ABCC4: variants seen among roughly 807,000 people sequenced by gnomAD.
ABCC4 encodes the protein ATP binding cassette subfamily C member 4 (PEL blood group), also known as ATP-binding cassette sub-family C member 4.
In ABCC4, 102 loss-of-function variants were observed where a neutral mutation model predicts 168.5. The ratio of observed to expected loss-of-function variants is 0.61; its 90% CI spans 0.52 to 0.71. The LOEUF (loss-of-function observed/expected upper bound fraction) is 0.71, where lower values mean the gene tolerates loss of function less well. Among genes scored for constraint, ABCC4 ranks in the 30% least tolerant of loss-of-function variants. The probability of loss-of-function intolerance (pLI) is 0.00; values close to 1 mark genes in which losing one functional copy is unlikely to be tolerated. For synonymous variants in ABCC4, 617 were observed against 590.7 expected (o/e 1.04, Z -0.65); for missense variants, 1,402 against 1,605.8 (o/e 0.87, Z 2.17).
intron 4 of ABCC4, 29 bp downstream of exon 4, chr13:95,234,581 G>A (rs752961970): frequency 6.4e-7 from 1 of 1,567,614 alleles, no homozygotes; most frequent in Non-Finnish European, 8.8e-7. Context: ...TTCAGGTGAG[G>A]TACATGTTTA....
intron 13 of ABCC4, among the ~76,000 whole-genome samples, chr13:95,172,069 C>T (rs1397865677): frequency 6.6e-6 from 1 of 152,204 alleles, no homozygotes; most frequent in African/African-American, 2.4e-5. Flanking sequence ...AAAATGTTTT[C>T]TTCCTAACAT....
intron 20 of ABCC4, among the ~76,000 whole-genome samples, chr13:95,115,687 G>A (rs1313159825): frequency 6.6e-6 from 1 of 152,146 alleles, no homozygotes; most frequent in East Asian, 1.9e-4. Context: ...GCACGAAGCT[G>A]CTTCAAACTA....
intron 20 of ABCC4, among the ~76,000 whole-genome samples, chr13:95,092,372 A>T (rs1449563678): frequency 6.6e-6 from 1 of 152,212 alleles, no homozygotes; most frequent in Non-Finnish European, 1.5e-5. Flanking sequence ...TCTATTCGAC[A>T]GTGCATGGAA....
chr13:95,105,982 T>C (rs2034989457), intron 20 of ABCC4, among the ~76,000 whole-genome samples: 1 of 152,200 alleles, frequency 6.6e-6, no homozygotes, highest in Non-Finnish European at 1.5e-5. Flanking sequence ...CCGGCCTCGC[T>C]GATTTTCAGT....
At chr13:95,211,070 AC>A (rs1483560840) in intron 4 of ABCC4, among the ~76,000 whole-genome samples, 2 of 152,222 alleles carry the variant, frequency 1.3e-5, no homozygotes, top group East Asian at 3.8e-4. Flanking sequence ...TTAAGAGCCA[AC>A]CAAAGTAATT....
intron 1 of ABCC4, among the ~76,000 whole-genome samples, chr13:95,260,204 G>A (rs541385288): frequency 2.0e-5 from 3 of 152,094 alleles, no homozygotes; most frequent in Admixed American, 6.6e-5. Flanking sequence ...TGACATATAC[G>A]CCAATACTCC....
At chr13:95,171,407 A>T (rs74501682) in intron 13 of ABCC4, among the ~76,000 whole-genome samples, 1 of 142,682 alleles carries the variant, frequency 7.0e-6, no homozygotes, top group Non-Finnish European at 1.5e-5. Flanking sequence ...AAAAAAAAAA[A>T]TTAGCCGGGT....
intron 25 of ABCC4, among the ~76,000 whole-genome samples, chr13:95,064,477 T>A (rs1464753138): frequency 7.0e-6 from 1 of 142,760 alleles, no homozygotes; most frequent in Non-Finnish European, 1.5e-5. Flanking sequence ...TTTGTCTCTC[T>A]CACACACATA....
intron 25 of ABCC4, among the ~76,000 whole-genome samples, chr13:95,064,571 T>C (rs753440291): frequency 1.1e-4 from 16 of 151,900 alleles, no homozygotes; most frequent in South Asian, 6.3e-4. Context: ...AGCACGTATC[T>C]AGACATAGAC....
At position 95,043,714 on chromosome 13, in the gene ABCC4, A is replaced by G. The variant is rs184544626; in HGVS notation, c.3703T>C (p.Leu1235=). The G allele has an allele frequency of 2.5e-6, 4 of 1,613,942 alleles. No homozygotes were observed. The highest frequency in any genetic ancestry group is 3.4e-6 in the Non-Finnish European group (4 of 1,179,848). Residue 1235 remains leucine (L), a synonymous_variant, in exon 29 of 31, where the codon TTG becomes CTG. Coordinates refer to ENST00000645237, the MANE Select transcript of ABCC4 (RefSeq NM_005845.5). The part of the protein sequence containing the change: ...HCTVLTIAHR[L]NTIIDSDKIM... ...TTGTCGCTGTCAATAATGGTGTTCA[A>G]TCTGTGTGCAATGGTTAGCACGGTG... is the stretch of plus-strand genomic sequence containing the variant.
At chr13:95,046,153 T>C (rs2032568797) in intron 27 of ABCC4, among the ~76,000 whole-genome samples, 4 of 152,204 alleles carry the variant, frequency 2.6e-5, no homozygotes, top group Admixed American at 2.6e-4. Flanking sequence ...CTATACCCCA[T>C]GTGATGGAAC....
At chr13:95,051,577 A>G (rs937515564) in intron 27 of ABCC4, among the ~76,000 whole-genome samples, 1 of 151,688 alleles carries the variant, frequency 6.6e-6, no homozygotes, top group Admixed American at 6.6e-5. Flanking sequence ...AAAGTCCACC[A>G]TGTTGTCCAG....
intron 19 of ABCC4, among the ~76,000 whole-genome samples, chr13:95,156,378 T>C (rs1278061658): frequency 1.3e-5 from 2 of 152,234 alleles, no homozygotes; most frequent in East Asian, 1.9e-4. Context: ...ATTATATCAC[T>C]GAAATACTGC....
intron 4 of ABCC4, among the ~76,000 whole-genome samples, chr13:95,218,927 G>GAGAGAGAA (rs1566539452): frequency 3.5e-4 from 15 of 42,446 alleles, no homozygotes; most frequent in East Asian, 1.6e-3. Context: ...GAGAAAGAAA[G>GAGAGAGAA]AGAAAGAAAG....
In ABCC4 at chr13:95,166,306, G is replaced by T. The variant is rs201499878; in HGVS notation, c.1886C>A (p.Ser629Tyr). Reference sequence around the variant, plus strand: ...TTCCTCATTATCCTTCTTTAAAAGGGAGCCAAAATCTATACCAGATTTTAG... The same window carrying T: ...TTCCTCATTATCCTTCTTTAAAAGGTAGCCAAAATCTATACCAGATTTTAG... The part of the protein sequence containing the change: ...EFLKSGIDFG[S>Y]LLKKDNEESE... Residue 629 changes from serine to tyrosine, a missense_variant, in exon 15 of 31, where the codon TCC (serine) becomes TAC (tyrosine). Transcript: ENST00000645237. 122 of 1,613,900 alleles carry T rather than the reference G, an allele frequency of 7.6e-5. 1 individual carries two copies. The East Asian group carries it at 2.7e-3, about 36-fold the overall frequency.
At chr13:95,198,419 C>T (rs1751023) in intron 8 of ABCC4, among the ~76,000 whole-genome samples, 33,666 of 151,978 alleles carry the variant, frequency 0.22, 3,719 homozygotes, top group Admixed American at 0.28. Context: ...TACCATCTCA[C>T]ACCAGTTAGA....
intron 19 of ABCC4, among the ~76,000 whole-genome samples, chr13:95,141,363 ATTAT>A (rs2036310839): frequency 1.3e-5 from 2 of 152,182 alleles, no homozygotes; most frequent in African/African-American, 4.8e-5. Context: ...GTCTAGATGC[ATTAT>A]TTATCATCCG....
At chr13:95,229,120 C>T (rs1458769557) in intron 4 of ABCC4, among the ~76,000 whole-genome samples, 1 of 152,092 alleles carries the variant, frequency 6.6e-6, no homozygotes, top group South Asian at 2.1e-4. Flanking sequence ...GAGAACCACA[C>T]AGTATCACAT....
intron 1 of ABCC4, among the ~76,000 whole-genome samples, chr13:95,291,230 C>G (rs1453132080): frequency 6.6e-6 from 1 of 152,028 alleles, no homozygotes; most frequent in Non-Finnish European, 1.5e-5. Flanking sequence ...TGGCCCGCAC[C>G]TGTAGTCCCA....
Sources: gnomAD v4.1 joint callset for allele counts (sites outside exome capture counted in the v4.1 genomes callset) on GRCh38, gnomAD v4.1.1 for gene constraint, MANE v1.5 for transcripts, NCBI Gene and HGNC (gene_info 2026-07-23, HGNC 2026-07-21) for gene names.